The following GPD2 variants were observed in gnomAD, a reference collection of about 807,000 sequenced individuals.
The protein encoded by GPD2 is glycerol-3-phosphate dehydrogenase 2.
In GPD2, 54 loss-of-function variants were observed where a neutral mutation model predicts 82.4. The observed-to-expected ratio is 0.66, with a 90% CI of 0.53 to 0.82. GPD2 has a LOEUF of 0.82. GPD2 is among the 40% of genes least tolerant of loss of function. GPD2 has a pLI of 0.00. For synonymous variants in GPD2, 288 were observed against 306.1 expected, an observed-to-expected ratio of 0.94 and a Z score of 0.62; for missense variants, 748 against 896.2, an observed-to-expected ratio of 0.83 and a Z score of 2.11.
the GPD2 span, among the ~76,000 whole-genome samples, chr2:156,406,713 T>C: frequency 2.6e-5 from 4 of 152,228 alleles, no homozygotes; most frequent in Admixed American, 6.5e-5. Flanking sequence ...TCTTTACCTT[T>C]CTCTTGACTC....
At chr2:156,462,570 G>C (rs947154002) in intron 1 of GPD2, among the ~76,000 whole-genome samples, 5 of 151,360 alleles carry the variant, frequency 3.3e-5, no homozygotes, top group Non-Finnish European at 7.4e-5. Flanking sequence ...CCAAAGTGCT[G>C]GGATTACAGG....
chr2:156,558,153 T>G (rs1368434720), intron 9 of GPD2, among the ~76,000 whole-genome samples: 4 of 152,176 alleles, frequency 2.6e-5, no homozygotes, highest in Non-Finnish European at 5.9e-5. Context: ...CCTTGGTGAT[T>G]TATATAGTTT....
At chr2:156,495,976 G>C in intron 2 of GPD2, 68 bp from the exon 3 acceptor site, 1 of 1,155,436 alleles carries the variant, frequency 8.7e-7, no homozygotes, top group South Asian at 1.3e-5. Flanking sequence ...TTTCCTTTTA[G>C]TATATTGTAA....
chr2:156,516,679 A>G (rs1685209011), intron 6 of GPD2, among the ~76,000 whole-genome samples: 1 of 152,238 alleles, frequency 6.6e-6, no homozygotes, highest in Non-Finnish European at 1.5e-5. Context: ...TCCTGAGCTC[A>G]AGGGATTCTC....
the GPD2 span, among the ~76,000 whole-genome samples, chr2:156,424,914 T>C: frequency 1.3e-5 from 2 of 152,158 alleles, no homozygotes; most frequent in Admixed American, 1.3e-4. Flanking sequence ...AAAATATCTA[T>C]TCATCTACCT....
chr2:156,499,012 T>TTG (rs1684489732), intron 3 of GPD2, among the ~76,000 whole-genome samples: 3 of 152,112 alleles, frequency 2.0e-5, no homozygotes, highest in African/African-American at 7.2e-5. Context: ...AGGAAAGAGA[T>TTG]ATCAGAGATG....
intron 15 of GPD2, 99 bp from the exon 16 acceptor site, chr2:156,579,591 C>G (rs1687955497): frequency 1.5e-5 from 11 of 721,434 alleles, no homozygotes; most frequent in Admixed American, 1.2e-4. Context: ...CTTGGCCTCC[C>G]AAAGTGCTGG....
chr2:156,561,585 T>A (rs1351321069), intron 9 of GPD2, among the ~76,000 whole-genome samples: 1 of 152,184 alleles, frequency 6.6e-6, no homozygotes, highest in East Asian at 1.9e-4. Context: ...TGAATTTGAA[T>A]GTTAAACTAG....
intron 6 of GPD2, among the ~76,000 whole-genome samples, chr2:156,536,986 A>G (rs1408998676): frequency 1.3e-5 from 2 of 152,202 alleles, no homozygotes; most frequent in Admixed American, 6.5e-5. Flanking sequence ...GCTAAGCAGA[A>G]TGTCAGAGCT....
chr2:156,439,146 A>G (rs1300732630), intron 1 of GPD2, among the ~76,000 whole-genome samples: 3 of 152,232 alleles, frequency 2.0e-5, no homozygotes, highest in Non-Finnish European at 4.4e-5. Flanking sequence ...GTTGAAAATT[A>G]TATGGGAAAT....
intron 2 of GPD2, among the ~76,000 whole-genome samples, chr2:156,483,537 A>T (rs1683813491): frequency 1.3e-5 from 2 of 151,566 alleles, no homozygotes; most frequent in Non-Finnish European, 2.9e-5. Flanking sequence ...ATCAGAGTTT[A>T]AAAAAAAATA....
At chr2:156,517,987 T>C (rs1385551328) in intron 6 of GPD2, among the ~76,000 whole-genome samples, 4 of 152,348 alleles carry the variant, frequency 2.6e-5, no homozygotes, top group African/African-American at 9.6e-5. Flanking sequence ...TGTTGTTTCA[T>C]ACCCGACGAT....
At chr2:156,448,581 G>C (rs1194193481) in intron 1 of GPD2, among the ~76,000 whole-genome samples, 1 of 152,224 alleles carries the variant, frequency 6.6e-6, no homozygotes, top group Admixed American at 6.5e-5. Context: ...TGAATAATTT[G>C]GGAAGGCCTC....
chr2:156,528,664 C>T (rs1161832796), intron 6 of GPD2, among the ~76,000 whole-genome samples: 1 of 148,028 alleles, frequency 6.8e-6, no homozygotes, highest in Non-Finnish European at 1.5e-5. Flanking sequence ...GTTCAATTCC[C>T]ACCTATGAGT....
chr2:156,561,059 T>TTTTTTTTTTTTTTTTTTTG, intron 9 of GPD2, among the ~76,000 whole-genome samples: 1 of 134,434 alleles, frequency 7.4e-6, no homozygotes, highest in Non-Finnish European at 1.6e-5. Context: ...TTTTTTTTTT[T>TTTTTTTTTTTTTTTTTTTG]TTTTTTGAGA....
intron 9 of GPD2, among the ~76,000 whole-genome samples, chr2:156,567,167 C>T (rs771597594): frequency 1.3e-5 from 2 of 151,830 alleles, no homozygotes; most frequent in Non-Finnish European, 2.9e-5. Flanking sequence ...TATGAGGTAC[C>T]TTTTCATTCT....
chr2:156,445,721 A>C (rs1466590784), intron 1 of GPD2, among the ~76,000 whole-genome samples: 1 of 152,202 alleles, frequency 6.6e-6, no homozygotes, highest in Non-Finnish European at 1.5e-5. Flanking sequence ...CTCCAGCCTT[A>C]GTCATGAGAG....
chr2:156,472,121 G>A (rs1007899384), intron 1 of GPD2, among the ~76,000 whole-genome samples: 3 of 152,080 alleles, frequency 2.0e-5, no homozygotes, highest in African/African-American at 7.2e-5. Context: ...AGTTAGTAAA[G>A]ATTTGTGTAT....
At chr2:156,437,228 AACTTAT>A (rs1171065053) in intron 1 of GPD2, among the ~76,000 whole-genome samples, 2 of 152,258 alleles carry the variant, frequency 1.3e-5, no homozygotes, top group African/African-American at 2.4e-5. Context: ...GCAGCTAGTC[AACTTAT>A]ACTTGTATAA....
Sources: allele counts gnomAD v4.1 joint callset (sites outside exome capture counted in the v4.1 genomes callset), GRCh38; gene constraint gnomAD v4.1.1; transcripts MANE v1.5; gene names NCBI Gene and HGNC (gene_info 2026-07-23, HGNC 2026-07-21).